Variants in TBC1D21 observed in about 807,000 individuals in gnomAD.
TBC1D21 encodes TBC1 domain family member 21.
TBC1D21 carries 38 observed loss-of-function variants against 46.0 expected under a neutral mutation model. The observed-to-expected ratio is 0.83, with a 90% confidence interval of 0.64 to 1.08. The LOEUF (loss-of-function observed/expected upper bound fraction) is 1.08. Ranked by LOEUF, TBC1D21 falls within the 50% of genes least tolerant of loss-of-function variation. TBC1D21 has a pLI of 0.00. For missense variants in TBC1D21, 415 were observed against 417.9 expected, an observed-to-expected ratio of 0.99 and a Z score of 0.06; for synonymous variants, 151 against 157.2, an observed-to-expected ratio of 0.96 and a Z score of 0.29.
chr15:73,905,482 C>T, the TBC1D21 span, among the ~76,000 whole-genome samples: 4 of 152,118 alleles, frequency 2.6e-5, no homozygotes, highest in Admixed American at 6.5e-5. Context: ...TTAGAGTCCC[C>T]GGATTCAGGC....
downstream of TBC1D21, among the ~76,000 whole-genome samples, chr15:73,892,514 G>A (rs552191464): frequency 8.5e-5 from 13 of 152,330 alleles, no homozygotes; most frequent in South Asian, 2.1e-4. Flanking sequence ...GCACCGCTGC[G>A]TTCCCTTGTG....
rs759161590 is a variant in TBC1D21, at chr15:73,873,714, C to T, written c.5C>T (p.Thr2Ile). The T allele has an allele frequency of 3.7e-6, 6 of 1,606,620 alleles. No homozygotes were observed. The East Asian group carries it at 9.0e-5, about 24-fold the overall frequency. The part of the protein sequence containing the change: M[T>I]TLSPENSLSA... The stretch of plus-strand genomic sequence containing the variant: ...GTTCGGAAGACAGCAGGGGCCATGA[C>T]CACCCTCTCTCCTGAAAACAGCCTC... Residue 2 changes from threonine (T) to isoleucine (I), a missense_variant, in exon 1 of 11, where the codon ACC (threonine) becomes ATC (isoleucine). By Grantham distance (89) the Thr-to-Ile change is moderately conservative (BLOSUM62 -1). Coordinates refer to ENST00000300504, the MANE Select transcript of TBC1D21 (RefSeq NM_153356.3).
chr15:73,882,149 C>T (rs2068167642), intron 3 of TBC1D21, among the ~76,000 whole-genome samples: 1 of 152,162 alleles, frequency 6.6e-6, no homozygotes, highest in Non-Finnish European at 1.5e-5. Context: ...TCTAGTCTCC[C>T]CACTCCCTGC....
the TBC1D21 span, among the ~76,000 whole-genome samples, chr15:73,903,792 T>C: frequency 0.035 from 5,368 of 152,244 alleles, 335 homozygotes; most frequent in African/African-American, 0.12. Context: ...ACGGTGGCTC[T>C]TGCCTGTAAT....
At chr15:73,886,024 TCCGGTGCCTTG>T (rs2068238943) in intron 6 of TBC1D21, 43 bp from the exon 7 acceptor site, 14 of 1,517,274 alleles carry the variant, frequency 9.2e-6, no homozygotes, top group African/African-American at 6.8e-5. Flanking sequence ...AGTTGACTCT[TCCGGTGCCTTG>T]AAGCCAAGGG....
At chr15:73,895,025 T>C in the TBC1D21 span, among the ~76,000 whole-genome samples, 6 of 152,256 alleles carry the variant, frequency 3.9e-5, no homozygotes, top group African/African-American at 1.4e-4. Flanking sequence ...CAATAGCATT[T>C]AGTCTGGGTG....
chr15:73,905,219 C>T, the TBC1D21 span, among the ~76,000 whole-genome samples: 1 of 152,216 alleles, frequency 6.6e-6, no homozygotes, highest in Non-Finnish European at 1.5e-5. Context: ...TGTTTGATTG[C>T]TTCTCCAATT....
At chr15:73,904,012 C>T in the TBC1D21 span, among the ~76,000 whole-genome samples, 1 of 152,196 alleles carries the variant, frequency 6.6e-6, no homozygotes, top group South Asian at 2.1e-4. Context: ...CACGCCACTG[C>T]ACTCCAGCCT....
At chr15:73,883,596 C>T (rs528439383) in intron 3 of TBC1D21, among the ~76,000 whole-genome samples, 6 of 152,172 alleles carry the variant, frequency 3.9e-5, no homozygotes, top group Non-Finnish European at 5.9e-5. Flanking sequence ...GGATCTCGTC[C>T]GGAGATCCTT....
chr15:73,897,829 G>A, the TBC1D21 span, among the ~76,000 whole-genome samples: 828 of 152,346 alleles, frequency 5.4e-3, 6 homozygotes, highest in Middle Eastern at 0.01. Context: ...AATTTGATGG[G>A]GAAGGAGCCT....
downstream of TBC1D21, among the ~76,000 whole-genome samples, chr15:73,892,968 G>C (rs1480447236): frequency 6.6e-6 from 1 of 152,216 alleles, no homozygotes; most frequent in Non-Finnish European, 1.5e-5. Flanking sequence ...TGGCGGTGTT[G>C]GTGGCAGAGG....
the TBC1D21 span, among the ~76,000 whole-genome samples, chr15:73,901,877 C>T: frequency 6.6e-6 from 1 of 152,084 alleles, no homozygotes; most frequent in Non-Finnish European, 1.5e-5. Context: ...AGAGGCACCA[C>T]CATGGCTCAC....
intron 1 of TBC1D21, among the ~76,000 whole-genome samples, chr15:73,879,581 C>T (rs535112463): frequency 1.0e-3 from 153 of 152,260 alleles, no homozygotes; most frequent in Non-Finnish European, 1.9e-3. Context: ...ACCTGTTACT[C>T]AGGAGCTTGT....
At chr15:73,892,462 G>A (rs145152752), downstream of TBC1D21, among the ~76,000 whole-genome samples, 2,345 of 152,310 alleles carry the variant, frequency 0.015, 49 homozygotes, top group African/African-American at 0.051. Context: ...CTGTGACATC[G>A]TCTTTGGGGC....
chr15:73,887,797 A>C (rs1422348579), intron 9 of TBC1D21, 61 bp downstream of exon 9: 1 of 1,430,800 alleles, frequency 7.0e-7, no homozygotes, highest in African/African-American at 1.4e-5. Context: ...ACCCCACCCC[A>C]CCCCAGCTGA....
At chr15:73,899,795 A>G in the TBC1D21 span, among the ~76,000 whole-genome samples, 3 of 152,214 alleles carry the variant, frequency 2.0e-5, no homozygotes, top group Non-Finnish European at 4.4e-5. Flanking sequence ...GCTGTACAGA[A>G]AGGACTGGGA....
Position 73,885,541 on chromosome 15 carries a change from T to TTG in TBC1D21, c.579+438_579+439insTG, listed in dbSNP as rs2068229203. 5.3e-5 allele frequency among the ~76,000 whole-genome samples: 8 copies of TTG among 152,168 alleles called. No individual in the cohort carries two copies. In the South Asian group the frequency reaches 1.7e-3, roughly 32 times the overall value. On this transcript the variant is annotated intron_variant, in intron 6 of 10. Coordinates refer to ENST00000300504, the MANE Select transcript of TBC1D21 (RefSeq NM_153356.3). ...ATTCCAGGCACACCAGGGGACTCAA[T>TTG]AGTCCCCAGGGGCTCCCTCACTGTC...
Position 73,886,190 on chromosome 15 carries a change from C to T in TBC1D21, c.676+16C>T. On this transcript the variant is annotated intron_variant, in intron 7 of 10. Transcript: ENST00000300504. ...GAGCACCTAAGTGAGTGGTTCCCAC[C>T]TCCTGCCACCTCACGCACCCCCCAG... 1 of 1,609,266 alleles carries T rather than the reference C, an allele frequency of 6.2e-7. No homozygotes were observed. The highest frequency in any genetic ancestry group is 1.1e-5 in the South Asian group (1 of 90,970).
chr15:73,905,010 T>C, the TBC1D21 span, among the ~76,000 whole-genome samples: 1 of 152,124 alleles, frequency 6.6e-6, no homozygotes, highest in South Asian at 2.1e-4. Flanking sequence ...AAACACAAAC[T>C]GGAGAGTGAC....
Sources: allele counts gnomAD v4.1 joint callset (sites outside exome capture counted in the v4.1 genomes callset), GRCh38; gene constraint gnomAD v4.1.1; transcripts MANE v1.5; gene names NCBI Gene and HGNC (gene_info 2026-07-23, HGNC 2026-07-21).